The following EPHB1 variants were observed in gnomAD, a reference collection of about 807,000 sequenced individuals.
EPHB1 encodes ephrin type-B receptor 1.
EPHB1 carries 30 observed loss-of-function variants against 94.4 expected under a neutral mutation model. The ratio of observed to expected loss-of-function variants is 0.32; its 90% confidence interval spans 0.24 to 0.43. The LOEUF (loss-of-function observed/expected upper bound fraction) is 0.43. Among genes scored for constraint, EPHB1 ranks in the 20% least tolerant of loss-of-function variants. The probability of loss-of-function intolerance (pLI) is 1.00; values close to 1 mark genes in which losing one functional copy is unlikely to be tolerated. For synonymous variants in EPHB1, 522 were observed against 489.1 expected (o/e 1.07, Z -0.89); for missense variants, 1,055 against 1,308.3 (o/e 0.81, Z 2.99).
At position 134,795,312 on chromosome 3, in the gene EPHB1, A is replaced by G; in HGVS notation, c.-320A>G. The G allele has an allele frequency of 2.2e-6, 1 of 456,968 alleles. No individual in the cohort carries two copies. Among genetic ancestry groups the G allele is most frequent in the Non-Finnish European group, 3.9e-6 (1 of 258,124 alleles). The allele number at this position is 456,968 out of a possible 1,614,324, so 28.3% of individuals were successfully genotyped here. The stretch of plus-strand genomic sequence containing the variant: ...GCTCCGCTGTAGCTAGCAATGTGAC[A>G]CCAGGACGCACTCGCTCTCGCGCGC... On this transcript the variant is annotated 5_prime_UTR_variant, in exon 1 of 16. Transcript: ENST00000398015.
intron 1 of EPHB1, among the ~76,000 whole-genome samples, chr3:134,831,304 G>A (rs1332080789): frequency 6.6e-6 from 1 of 152,150 alleles, no homozygotes; most frequent in East Asian, 1.9e-4. Context: ...CCCACAAAGG[G>A]AGCTATGGCC....
At chr3:135,203,139 G>A (rs544161573) in intron 12 of EPHB1, among the ~76,000 whole-genome samples, 16 of 152,268 alleles carry the variant, frequency 1.1e-4, no homozygotes, top group Admixed American at 6.5e-4. Context: ...AACACTACAT[G>A]TTCTCACTCA....
At chr3:134,945,253 G>A (rs2039195131) in intron 2 of EPHB1, among the ~76,000 whole-genome samples, 1 of 151,908 alleles carries the variant, frequency 6.6e-6, no homozygotes, top group Non-Finnish European at 1.5e-5. Flanking sequence ...TTTTAAAATT[G>A]TATAGAGATG....
chr3:134,851,661 C>A (rs922053202), intron 1 of EPHB1, among the ~76,000 whole-genome samples: 1 of 152,196 alleles, frequency 6.6e-6, no homozygotes. Flanking sequence ...CCTGTGGACA[C>A]TGTGGCCATT....
intron 12 of EPHB1, among the ~76,000 whole-genome samples, chr3:135,204,326 C>T (rs567954215): frequency 9.2e-5 from 14 of 152,274 alleles, no homozygotes; most frequent in Non-Finnish European, 1.9e-4. Flanking sequence ...GTCTCAGCCT[C>T]CCAAGTAGCT....
intron 10 of EPHB1, among the ~76,000 whole-genome samples, chr3:135,191,200 T>A (rs920907464): frequency 6.6e-6 from 1 of 152,116 alleles, no homozygotes; most frequent in African/African-American, 2.4e-5. Flanking sequence ...ACACATAGTG[T>A]TGTAAATGAT....
chr3:134,833,355 A>G (rs2036611611), intron 1 of EPHB1, among the ~76,000 whole-genome samples: 1 of 152,184 alleles, frequency 6.6e-6, no homozygotes, highest in African/African-American at 2.4e-5. Context: ...TGTTCTTGTC[A>G]TTAGGACTGT....
chr3:135,094,311 A>T (rs990593722), intron 3 of EPHB1, among the ~76,000 whole-genome samples: 2 of 152,212 alleles, frequency 1.3e-5, no homozygotes, highest in African/African-American at 4.8e-5. Flanking sequence ...GCCCCTTCCC[A>T]GTCTCTGCCC....
At chr3:135,169,993 G>A (rs549378966) in intron 9 of EPHB1, among the ~76,000 whole-genome samples, 5 of 152,306 alleles carry the variant, frequency 3.3e-5, no homozygotes, top group African/African-American at 7.2e-5. Context: ...TGTCTGATCC[G>A]AATGTGTGCA....
intron 5 of EPHB1, among the ~76,000 whole-genome samples, chr3:135,146,565 C>A (rs916707163): frequency 4.6e-5 from 7 of 152,116 alleles, no homozygotes; most frequent in Admixed American, 4.6e-4. Context: ...GACAAGATAC[C>A]CTATCACTTA....
chr3:135,159,614 C>A (rs905179793), intron 6 of EPHB1, among the ~76,000 whole-genome samples: 2 of 152,314 alleles, frequency 1.3e-5, no homozygotes, highest in Middle Eastern at 3.4e-3. Flanking sequence ...TAGTGGACAG[C>A]CTTTCTTCTG....
intron 1 of EPHB1, among the ~76,000 whole-genome samples, chr3:134,840,268 G>C (rs1180228453): frequency 6.6e-6 from 1 of 152,146 alleles, no homozygotes; most frequent in Non-Finnish European, 1.5e-5. Flanking sequence ...AGGTGCTCTA[G>C]ACCCAGATGC....
intron 12 of EPHB1, among the ~76,000 whole-genome samples, chr3:135,203,130 A>G (rs575076632): frequency 2.6e-5 from 4 of 152,322 alleles, no homozygotes; most frequent in Admixed American, 2.0e-4. Context: ...GGAAAACCAA[A>G]CACTACATGT....
At chr3:135,227,597 C>G (rs1197576682) in intron 12 of EPHB1, among the ~76,000 whole-genome samples, 1 of 152,138 alleles carries the variant, frequency 6.6e-6, no homozygotes, top group Non-Finnish European at 1.5e-5. Flanking sequence ...AAATGGTCAT[C>G]TAGGTGGCTT....
At chr3:135,044,369 G>T (rs1367263752) in intron 3 of EPHB1, among the ~76,000 whole-genome samples, 1 of 152,206 alleles carries the variant, frequency 6.6e-6, no homozygotes, top group Non-Finnish European at 1.5e-5. Context: ...TGAGGGACCA[G>T]TCCCTGTGGG....
intron 3 of EPHB1, among the ~76,000 whole-genome samples, chr3:135,099,138 C>G (rs566503227): frequency 1.8e-4 from 27 of 147,980 alleles, no homozygotes; most frequent in Admixed American, 1.7e-3. Flanking sequence ...CAGCTTTTAT[C>G]TTTTGTGTCT....
At chr3:134,902,732 T>C (rs954535899) in intron 1 of EPHB1, among the ~76,000 whole-genome samples, 1 of 152,222 alleles carries the variant, frequency 6.6e-6, no homozygotes, top group Non-Finnish European at 1.5e-5. Flanking sequence ...CTGATTAGAT[T>C]ATCCTAGTTT....
At position 134,914,797 on chromosome 3, in the gene EPHB1, T is replaced by G. The variant is rs555194938; in HGVS notation, c.59-11019T>G. ...GCAGGGGGCTTTTACCACCCTTAGG[T>G]TTGAAGGACATGGGGAGGGAGCCAT... is the stretch of plus-strand genomic sequence containing the variant. On this transcript the variant is annotated intron_variant, in intron 1 of 15. Transcript: ENST00000398015. Among the ~76,000 whole-genome samples the G allele has an allele frequency of 1.2e-4, 18 of 152,054 alleles. 1 individual carries two copies. Among genetic ancestry groups the G allele is most frequent in the Admixed American group, 9.8e-4 (15 of 15,294 alleles).
chr3:134,970,262 A>G (rs1056651006), intron 3 of EPHB1, among the ~76,000 whole-genome samples: 24 of 152,212 alleles, frequency 1.6e-4, no homozygotes, highest in African/African-American at 5.5e-4. Flanking sequence ...ACTTAGGTCT[A>G]TAATCAATTT....
Sources: allele counts gnomAD v4.1 joint callset (sites outside exome capture counted in the v4.1 genomes callset), GRCh38; gene constraint gnomAD v4.1.1; transcripts MANE v1.5; gene names NCBI Gene and HGNC (gene_info 2026-07-23, HGNC 2026-07-21).